FGF12: variants seen among roughly 807,000 people sequenced by gnomAD.
FGF12 encodes fibroblast growth factor 12B.
FGF12 carries 14 observed loss-of-function variants against 23.6 expected under a neutral mutation model. The observed-to-expected ratio is 0.59, with a 90% CI of 0.39 to 0.93. The LOEUF (loss-of-function observed/expected upper bound fraction) is 0.93, where lower values mean the gene tolerates loss of function less well. Among genes scored for constraint, FGF12 ranks in the 40% least tolerant of loss-of-function variants. The pLI is 0.00. For synonymous variants in FGF12, 62 were observed against 77.3 expected, an observed-to-expected ratio of 0.80 and a Z score of 1.04; for missense variants, 175 against 217.8, an observed-to-expected ratio of 0.80 and a Z score of 1.24.
At chr3:192,152,489 G>A (rs1237997843) in intron 5 of FGF12, among the ~76,000 whole-genome samples, 324 of 150,322 alleles carry the variant, frequency 2.2e-3, no homozygotes, top group African/African-American at 7.7e-3. Flanking sequence ...CTTTGAATGC[G>A]TCCCAGAGAT....
At chr3:192,662,801 T>C (rs1716722078) in intron 2 of FGF12, among the ~76,000 whole-genome samples, 1 of 152,248 alleles carries the variant, frequency 6.6e-6, no homozygotes. Flanking sequence ...CCAGAAGGAA[T>C]AGATCATAAT....
chr3:192,671,483 C>T (rs1422991274), intron 2 of FGF12, among the ~76,000 whole-genome samples: 1 of 152,122 alleles, frequency 6.6e-6, no homozygotes, highest in Non-Finnish European at 1.5e-5. Context: ...AGTTTTCTAG[C>T]AGTCAAAAGT....
intron 2 of FGF12, among the ~76,000 whole-genome samples, chr3:192,670,363 T>C (rs1374115945): frequency 6.6e-6 from 1 of 152,154 alleles, no homozygotes; most frequent in African/African-American, 2.4e-5. Context: ...TAATTTTTAA[T>C]AAGGTAGGTA....
At chr3:192,365,133 C>T (rs1040343159) in intron 2 of FGF12, among the ~76,000 whole-genome samples, 1 of 152,018 alleles carries the variant, frequency 6.6e-6, no homozygotes, top group Non-Finnish European at 1.5e-5. Context: ...GGGATAAATG[C>T]TTGAGGTGAG....
intron 2 of FGF12, among the ~76,000 whole-genome samples, chr3:192,671,992 A>G (rs1257989066): frequency 2.0e-5 from 3 of 152,268 alleles, no homozygotes; most frequent in Non-Finnish European, 4.4e-5. Context: ...TATTTCACTG[A>G]TGAAGAAACT....
At chr3:192,567,091 C>G (rs1244593194) in intron 2 of FGF12, among the ~76,000 whole-genome samples, 1 of 152,180 alleles carries the variant, frequency 6.6e-6, no homozygotes, top group African/African-American at 2.4e-5. Context: ...GAGAAGTCAA[C>G]AGGAAAAGGA....
At chr3:192,291,831 C>T (rs1033708904) in intron 4 of FGF12, among the ~76,000 whole-genome samples, 2 of 152,098 alleles carry the variant, frequency 1.3e-5, no homozygotes, top group Non-Finnish European at 2.9e-5. Flanking sequence ...TAACCTTTGA[C>T]ACAACTTGTG....
chr3:192,643,450 A>C (rs555026226), intron 2 of FGF12, among the ~76,000 whole-genome samples: 29 of 152,316 alleles, frequency 1.9e-4, no homozygotes, highest in Admixed American at 3.3e-4. Context: ...ATCTGGCCCC[A>C]ATCTACCATT....
chr3:192,550,909 A>G (rs1246061847), intron 2 of FGF12, among the ~76,000 whole-genome samples: 1 of 152,126 alleles, frequency 6.6e-6, no homozygotes, highest in East Asian at 1.9e-4. Flanking sequence ...ATCCCCATTT[A>G]TTTTAGCTTC....
chr3:192,509,710 G>T (rs1325513172), intron 2 of FGF12, among the ~76,000 whole-genome samples: 3 of 152,142 alleles, frequency 2.0e-5, no homozygotes, highest in Non-Finnish European at 4.4e-5. Flanking sequence ...ACACTAACTA[G>T]AATGGTAATA....
chr3:192,505,694 T>A lies in FGF12; in HGVS notation c.14-145156A>T, dbSNP rs188270162. ...TAAAAATTTAAATAATATAAACACA[T>A]GTAAAGTAAAAAGCTAGTCTTCCTT... On this transcript the variant is annotated intron_variant, in intron 2 of 5. Coordinates refer to ENST00000445105, the MANE Select transcript of FGF12 (RefSeq NM_004113.6). 9.8e-5 allele frequency among the ~76,000 whole-genome samples: 15 copies of A among 152,306 alleles called. No homozygotes were observed. In the East Asian group the frequency reaches 2.9e-3, roughly 29 times the overall value.
intron 2 of FGF12, among the ~76,000 whole-genome samples, chr3:192,422,266 A>G (rs1721557810): frequency 1.3e-5 from 2 of 152,274 alleles, no homozygotes; most frequent in South Asian, 4.2e-4. Flanking sequence ...TGAACAAATT[A>G]TTCCTCTTTT....
In FGF12 at chr3:192,514,640, G is replaced by A. The variant is rs962863728; in HGVS notation, c.14-154102C>T. On this transcript the variant is annotated intron_variant, in intron 2 of 5. Transcript: ENST00000445105. The surrounding 1 kb of genome is among the most constrained non-coding windows in gnomAD (Gnocchi z 4.9). ...GGAAGGGGGCATTCTGCAGTGTTTG[G>A]GGGCTGGGGAAAGAACATTTTCTCA... 3 of 960,406 alleles carry A rather than the reference G, an allele frequency of 3.1e-6. No individual in the cohort carries two copies. The highest frequency in any genetic ancestry group is 3.7e-6 in the Non-Finnish European group (3 of 807,346). The allele number at this position is 960,406 out of a possible 1,614,324, so 59.5% of individuals were successfully genotyped here.
At chr3:192,490,127 G>T (rs1407882465) in intron 2 of FGF12, among the ~76,000 whole-genome samples, 1 of 151,992 alleles carries the variant, frequency 6.6e-6, no homozygotes, top group African/African-American at 2.4e-5. Flanking sequence ...TGATACAGTG[G>T]TTTTTTTAGT....
In FGF12 at chr3:192,343,696, A is replaced by G. The variant is rs535402519; in HGVS notation, c.125-8232T>C. ...GAATGTTCACCCAGGCAAATTAATT[A>G]TTCATTCCCTTACCCTAATTCCACA... On this transcript the variant is annotated intron_variant, in intron 3 of 5. Coordinates refer to ENST00000445105, the MANE Select transcript of FGF12 (RefSeq NM_004113.6). Among the ~76,000 whole-genome samples, 66 of 152,298 alleles carry G rather than the reference A, an allele frequency of 4.3e-4. No individual in the cohort carries two copies. The South Asian group carries it at 0.012, about 29-fold the overall frequency.
chr3:192,252,115 C>A (rs1481369815), intron 4 of FGF12, among the ~76,000 whole-genome samples: 1 of 151,802 alleles, frequency 6.6e-6, no homozygotes, highest in Non-Finnish European at 1.5e-5. Context: ...AAGTCAGAGA[C>A]CTGTCTGACT....
At chr3:192,463,419 C>T (rs79291402) in intron 2 of FGF12, among the ~76,000 whole-genome samples, 2 of 148,880 alleles carry the variant, frequency 1.3e-5, no homozygotes, top group Admixed American at 6.7e-5. Flanking sequence ...GACTCTGTCT[C>T]AAAAAAAAAG....
intron 2 of FGF12, among the ~76,000 whole-genome samples, chr3:192,658,095 G>T (rs1272272915): frequency 6.6e-6 from 1 of 151,792 alleles, no homozygotes; most frequent in Non-Finnish European, 1.5e-5. Context: ...GTTTAACTAG[G>T]ACAAAAATAC....
chr3:192,253,186 T>C (rs1232237192), intron 4 of FGF12, among the ~76,000 whole-genome samples: 3 of 152,254 alleles, frequency 2.0e-5, no homozygotes, highest in Admixed American at 1.3e-4. Context: ...ACCCTCTCAA[T>C]TGCATACTTT....
Sources: allele counts gnomAD v4.1 joint callset (sites outside exome capture counted in the v4.1 genomes callset), GRCh38; gene constraint gnomAD v4.1.1; non-coding constraint Gnocchi (gnomAD v3.1); transcripts MANE v1.5; gene names NCBI Gene and HGNC (gene_info 2026-07-23, HGNC 2026-07-21).